The following CTSC variants were observed in gnomAD, a reference collection of about 807,000 sequenced individuals.
CTSC encodes dipeptidyl peptidase 1.
In CTSC, 37 loss-of-function variants were observed where a neutral mutation model predicts 40.9. The ratio of observed to expected loss-of-function variants is 0.91; its 90% CI spans 0.70 to 1.19. The LOEUF (loss-of-function observed/expected upper bound fraction) is 1.19. CTSC is among the 50% of genes most tolerant of loss of function. The probability of loss-of-function intolerance (pLI) is 0.00; values close to 1 mark genes in which losing one functional copy is unlikely to be tolerated. For synonymous variants in CTSC, 232 were observed against 207.4 expected (o/e 1.12, Z -1.02); for missense variants, 594 against 567.3 (o/e 1.05, Z -0.48).
In CTSC at chr11:88,293,956, T is replaced by C; in HGVS notation, c.*50A>G. The C allele has an allele frequency of 1.3e-6, 2 of 1,595,734 alleles. No homozygotes were observed. The highest frequency in any genetic ancestry group is 1.1e-5 in the South Asian group (1 of 90,690). ...AGTCTACAGTCTGTGAATATACCAA[T>C]TCCCCTTTACAACTGATGCAGATCA... On this transcript the variant is annotated 3_prime_UTR_variant, in exon 7 of 7. Transcript: ENST00000227266.
At chr11:88,295,686 T>C (rs1048621993) in intron 6 of CTSC, among the ~76,000 whole-genome samples, 20 of 152,188 alleles carry the variant, frequency 1.3e-4, no homozygotes, top group African/African-American at 4.8e-4. Flanking sequence ...CAGCCCTAAG[T>C]ACAGAATTTT....
chr11:88,326,593 T>C (rs1485631140), intron 2 of CTSC: 6 of 658,810 alleles, frequency 9.1e-6, no homozygotes, highest in Non-Finnish European at 1.6e-5. Flanking sequence ...TGTTAAGACA[T>C]TCACAGGAAA....
rs1169441857 is a variant in CTSC at position 88,309,268 on chromosome 11, T to C, written c.536A>G (p.Asn179Ser). ...KYDHNFVKAI[N>S]AIQKSWTATT... ...TGCAGTCCAAGACTTCTGAATGGCA[T>C]TGATAGCTTTCACAAAGTTGTGATC... Residue 179 changes from asparagine (N) to serine (S), a missense_variant, in exon 4 of 7, where the codon AAT (asparagine) becomes AGT (serine). Transcript: ENST00000227266. 14 of 1,613,798 alleles carry C rather than the reference T, an allele frequency of 8.7e-6. No individual in the cohort carries two copies. The highest frequency in any genetic ancestry group is 1.3e-5 in the African/African-American group (1 of 74,926).
intron 3 of CTSC, among the ~76,000 whole-genome samples, chr11:88,309,660 T>C (rs187011864): frequency 1.3e-5 from 2 of 152,258 alleles, no homozygotes; most frequent in East Asian, 1.9e-4. Context: ...TTTAATGATA[T>C]GGAAGAGTGC....
chr11:88,301,504 A>T (rs1195985228), intron 4 of CTSC, among the ~76,000 whole-genome samples: 1 of 152,020 alleles, frequency 6.6e-6, no homozygotes. Context: ...TTGTTGCTTC[A>T]TTCTTTCCTT....
At chr11:88,300,076 C>T (rs1405631841) in intron 5 of CTSC, among the ~76,000 whole-genome samples, 1 of 152,030 alleles carries the variant, frequency 6.6e-6, no homozygotes. Flanking sequence ...AAAAATCTAC[C>T]AGGAAAATAA....
chr11:88,337,132 T>C (rs971874472), intron 1 of CTSC, among the ~76,000 whole-genome samples: 3 of 151,932 alleles, frequency 2.0e-5, no homozygotes, highest in Non-Finnish European at 2.9e-5. Context: ...ACTAGTAAAA[T>C]AGTAATAAAA....
intron 3 of CTSC, among the ~76,000 whole-genome samples, chr11:88,311,437 T>C (rs1357500118): frequency 2.0e-5 from 3 of 152,252 alleles, no homozygotes; most frequent in Admixed American, 6.5e-5. Flanking sequence ...GGATGATTTG[T>C]ACATGTACAT....
intron 2 of CTSC, among the ~76,000 whole-genome samples, chr11:88,334,294 T>C (rs1230063580): frequency 1.3e-5 from 2 of 152,224 alleles, no homozygotes; most frequent in Admixed American, 1.3e-4. Context: ...GCTAAACTAT[T>C]TTAACCCTGA....
chr11:88,325,945 A>ACTCT (rs1347883763), intron 2 of CTSC: 2 of 991,138 alleles, frequency 2.0e-6, no homozygotes, highest in Non-Finnish European at 2.4e-6. Context: ...TAATTAGAGA[A>ACTCT]AGGAAAGACA....
intron 4 of CTSC, among the ~76,000 whole-genome samples, chr11:88,308,793 C>G (rs1239672337): frequency 6.6e-6 from 1 of 152,278 alleles, no homozygotes; most frequent in African/African-American, 2.4e-5. Flanking sequence ...CCTAGTGTCT[C>G]TTAAGCTCTT....
chr11:88,335,165 T>C (rs548713970), intron 1 of CTSC, 83 bp from the exon 2 acceptor site: 8 of 904,912 alleles, frequency 8.8e-6, no homozygotes, highest in East Asian at 2.5e-5. Context: ...TCAATTTTAA[T>C]TGTGCTGCTT....
chr11:88,294,607 C>T, intron 6 of CTSC, 99 bp from the exon 7 acceptor site: 1 of 1,371,608 alleles, frequency 7.3e-7, no homozygotes, highest in Non-Finnish European at 1.0e-6. Flanking sequence ...GCATGTTACC[C>T]CTGAAAGTTG....
chr11:88,321,697 GT>G (rs1938018132), intron 2 of CTSC: 1 of 152,062 alleles, frequency 6.6e-6, no homozygotes, highest in African/African-American at 2.4e-5. Flanking sequence ...GAGCATTTGG[GT>G]TGATTCCATG....
chr11:88,303,507 T>A (rs959133400), intron 4 of CTSC, among the ~76,000 whole-genome samples: 1 of 152,216 alleles, frequency 6.6e-6, no homozygotes, highest in Non-Finnish European at 1.5e-5. Flanking sequence ...AGTGGTTTAT[T>A]ATAAAAGATA....
intron 2 of CTSC, among the ~76,000 whole-genome samples, chr11:88,316,442 C>T (rs1937879630): frequency 6.7e-6 from 1 of 149,984 alleles, no homozygotes; most frequent in Non-Finnish European, 1.5e-5. Flanking sequence ...AGCCACTGAA[C>T]TCCGGCCTGG....
chr11:88,322,005 A>G (rs1938027692), intron 2 of CTSC: 1 of 152,170 alleles, frequency 6.6e-6, no homozygotes, highest in African/African-American at 2.4e-5. Flanking sequence ...TCTAATGGTC[A>G]GTGATGTTGA....
In CTSC at chr11:88,317,634, T is replaced by C. The variant is rs954334922; in HGVS notation, c.319-5080A>G. 7.2e-5 allele frequency among the ~76,000 whole-genome samples: 11 copies of C among 152,266 alleles called. No homozygotes were observed. The South Asian group carries it at 1.2e-3, about 17-fold the overall frequency. Reference sequence around the variant, plus strand: ...ATTTGAATGTTTTCGGGGTATGTCATTTTTTCCTGTGAAATACTTCTTTTG... The same window carrying C: ...ATTTGAATGTTTTCGGGGTATGTCACTTTTTCCTGTGAAATACTTCTTTTG... On this transcript the variant is annotated intron_variant, in intron 2 of 6. Transcript: ENST00000227266.
chr11:88,329,878 T>C (rs217065), intron 2 of CTSC, among the ~76,000 whole-genome samples: 117,927 of 152,144 alleles, frequency 0.78, 45,963 homozygotes, highest in East Asian at 1. Flanking sequence ...AGGCGTGCGC[T>C]GCTATGCCTG....
Sources: gnomAD v4.1 joint callset for allele counts (sites outside exome capture counted in the v4.1 genomes callset) on GRCh38, gnomAD v4.1.1 for gene constraint, MANE v1.5 for transcripts, NCBI Gene and HGNC (gene_info 2026-07-23, HGNC 2026-07-21) for gene names.